Variants in ITK observed in about 807,000 individuals in gnomAD.
ITK encodes tyrosine-protein kinase ITK/TSK.
A neutral mutation model predicts 87.6 loss-of-function variants in ITK; 45 were observed. The ratio of observed to expected loss-of-function variants is 0.51; its 90% CI spans 0.40 to 0.66. The LOEUF (loss-of-function observed/expected upper bound fraction) is 0.66. Among genes scored for constraint, ITK ranks in the 30% least tolerant of loss-of-function variants. ITK has a pLI of 0.00. For missense variants in ITK, 605 were observed against 766.3 expected (o/e 0.79, Z 2.48); for synonymous variants, 303 against 273.6 (o/e 1.11, Z -1.06).
intron 1 of ITK, among the ~76,000 whole-genome samples, chr5:157,200,956 CA>C (rs371647165): frequency 3.8e-4 from 58 of 151,650 alleles, no homozygotes; most frequent in African/African-American, 1.2e-3. Context: ...GACTTAAGTA[CA>C]AAAAAAACTC....
Position 157,244,368 on chromosome 5 carries a change from C to T in ITK, c.1339C>T (p.Leu447=). The part of the protein sequence containing the change: ...FMEHGCLSDY[L]RTQRGLFAAE... ...GGAGCACGGCTGCCTGTCAGATTAT[C>T]TACGCACCCAGCGGGGACTTTTTGC... Residue 447 remains leucine (L), a synonymous_variant, in exon 13 of 17, where the codon CTA becomes TTA. Coordinates refer to ENST00000422843, the MANE Select transcript of ITK (RefSeq NM_005546.4). The T allele has an allele frequency of 6.2e-7, 1 of 1,614,046 alleles. No individual in the cohort carries two copies. The highest frequency in any genetic ancestry group is 8.5e-7 in the Non-Finnish European group (1 of 1,179,944).
At chr5:157,194,548 G>C (rs1343849482) in intron 1 of ITK, among the ~76,000 whole-genome samples, 2 of 152,202 alleles carry the variant, frequency 1.3e-5, no homozygotes, top group Non-Finnish European at 2.9e-5. Flanking sequence ...AAGGGAGTTT[G>C]AGGGAGCTAA....
At chr5:157,185,949 AC>A (rs1753634429) in intron 1 of ITK, among the ~76,000 whole-genome samples, 1 of 152,206 alleles carries the variant, frequency 6.6e-6, no homozygotes, top group Non-Finnish European at 1.5e-5. Flanking sequence ...TTTACTGAGC[AC>A]TTACTACATG....
At chr5:157,189,478 G>A (rs540950217) in intron 1 of ITK, among the ~76,000 whole-genome samples, 1 of 152,290 alleles carries the variant, frequency 6.6e-6, no homozygotes, top group Admixed American at 6.5e-5. Flanking sequence ...TCAGGAGTTT[G>A]AGACAAGCCT....
chr5:157,224,283 CAA>C (rs34266149), intron 6 of ITK: 39 of 96,184 alleles, frequency 4.1e-4, no homozygotes, highest in Non-Finnish European at 6.7e-4. Flanking sequence ...GACTCTGTCT[CAA>C]AAAAAAAAAA....
chr5:157,241,827 T>G (rs181345233), intron 11 of ITK, 107 bp downstream of exon 11: 3 of 761,914 alleles, frequency 3.9e-6, no homozygotes, highest in East Asian at 5.2e-5. Flanking sequence ...AAATCACCAT[T>G]AAAACAAGTG....
intron 8 of ITK, 83 bp downstream of exon 8, chr5:157,232,477 C>G: frequency 1.0e-6 from 1 of 983,424 alleles, no homozygotes; most frequent in South Asian, 1.4e-5. Flanking sequence ...AGCGATTTGG[C>G]AGGCCAAGGT....
chr5:157,231,955 G>A (rs1178857842), intron 7 of ITK, among the ~76,000 whole-genome samples: 1 of 152,132 alleles, frequency 6.6e-6, no homozygotes, highest in East Asian at 1.9e-4. Flanking sequence ...CTTATGAAAC[G>A]AAGAGGAAAA....
chr5:157,241,461 C>A (rs1214392618), intron 10 of ITK, 185 bp from the exon 11 acceptor site: 1 of 583,584 alleles, frequency 1.7e-6, no homozygotes, highest in Middle Eastern at 4.5e-4. Flanking sequence ...TTACCACTTG[C>A]CCATCTGTGC....
At chr5:157,195,668 G>A (rs1753838209) in intron 1 of ITK, 1 of 152,138 alleles carries the variant, frequency 6.6e-6, no homozygotes, top group African/African-American at 2.4e-5. Context: ...ACATATACTT[G>A]TAATACTAAT....
At chr5:157,228,451 A>G in intron 7 of ITK, 90 bp downstream of exon 7, 1 of 787,576 alleles carries the variant, frequency 1.3e-6, no homozygotes, top group Non-Finnish European at 2.3e-6. Flanking sequence ...TAAAAATACC[A>G]GATGATCCCT....
chr5:157,201,192 T>C (rs912596914), intron 1 of ITK, among the ~76,000 whole-genome samples: 5 of 152,226 alleles, frequency 3.3e-5, no homozygotes, highest in Admixed American at 2.6e-4. Context: ...AAAAAAAATT[T>C]TGAGTCTTGC....
chr5:157,204,853 C>A (rs1305278886), intron 1 of ITK, among the ~76,000 whole-genome samples: 2 of 152,124 alleles, frequency 1.3e-5, no homozygotes, highest in Non-Finnish European at 2.9e-5. Context: ...AAACTAAAAA[C>A]CAGACACCAC....
At chr5:157,185,242 C>CTT (rs796151659) in intron 1 of ITK, among the ~76,000 whole-genome samples, 10 of 141,564 alleles carry the variant, frequency 7.1e-5, no homozygotes, top group African/African-American at 1.8e-4. Context: ...AAAAAGCTAT[C>CTT]TTTTTTTTTT....
At position 157,245,579 on chromosome 5, in the gene ITK, C is replaced by T. The variant is rs148192115; in HGVS notation, c.1450-147C>T. On this transcript the variant is annotated intron_variant, in intron 13 of 16. Coordinates refer to ENST00000422843, the MANE Select transcript of ITK (RefSeq NM_005546.4). ...TTAACTTCCAGCGGCATTTGTGAGGCTTAATTAACATTTGTAAAGCTCCAT... is the reference window on the plus strand; with the variant it reads ...TTAACTTCCAGCGGCATTTGTGAGGTTTAATTAACATTTGTAAAGCTCCAT... 102 of 720,774 alleles carry T rather than the reference C, an allele frequency of 1.4e-4. 1 individual carries two copies. Among genetic ancestry groups the T allele is most frequent in the Admixed American group, 2.2e-4 (11 of 49,526 alleles). The allele number at this position is 720,774 out of a possible 1,614,324, so 44.6% of individuals were successfully genotyped here.
At chr5:157,226,343 A>G (rs1423959338) in intron 6 of ITK, among the ~76,000 whole-genome samples, 1 of 151,574 alleles carries the variant, frequency 6.6e-6, no homozygotes. Context: ...TGTGTAGATG[A>G]CCCAGCTTTG....
chr5:157,216,115 C>T (rs951663000), intron 4 of ITK, among the ~76,000 whole-genome samples: 1 of 152,216 alleles, frequency 6.6e-6, no homozygotes, highest in African/African-American at 2.4e-5. Context: ...CATCTCCTCA[C>T]TCTACCCTCT....
intron 12 of ITK, 191 bp downstream of exon 12, chr5:157,243,985 C>T (rs1301337181): frequency 2.9e-6 from 2 of 688,236 alleles, no homozygotes; most frequent in East Asian, 5.4e-5. Context: ...TGATCATGCC[C>T]ACCTCCCCCT....
intron 4 of ITK, among the ~76,000 whole-genome samples, chr5:157,216,734 T>C (rs1754305835): frequency 6.6e-6 from 1 of 152,126 alleles, no homozygotes; most frequent in Non-Finnish European, 1.5e-5. Context: ...CTAGTATTGG[T>C]GAAGCCAGAG....
Sources: gnomAD v4.1 joint callset for allele counts (sites outside exome capture counted in the v4.1 genomes callset) on GRCh38, gnomAD v4.1.1 for gene constraint, MANE v1.5 for transcripts, NCBI Gene and HGNC (gene_info 2026-07-23, HGNC 2026-07-21) for gene names.